Variants in TENM3 observed in about 807,000 individuals in gnomAD.
TENM3 encodes teneurin-3.
A neutral mutation model predicts 255.1 loss-of-function variants in TENM3; 63 were observed. That is an observed-to-expected ratio of 0.25 (90% CI 0.20 to 0.30). The LOEUF is 0.30. TENM3 is among the 10% of genes least tolerant of loss of function. TENM3 has a pLI of 1.00. For missense variants in TENM3, 2,929 were observed against 3,461.1 expected (o/e 0.85, Z 3.86); for synonymous variants, 1,306 against 1,322.3 (o/e 0.99, Z 0.27).
chr4:181,545,530 T>C, the TENM3 span, among the ~76,000 whole-genome samples: 2 of 152,172 alleles, frequency 1.3e-5, no homozygotes, highest in African/African-American at 4.8e-5. Context: ...TTAAGGATAA[T>C]AGTCGATTTT....
chr4:181,604,917 G>A, the TENM3 span, among the ~76,000 whole-genome samples: 2,207 of 152,320 alleles, frequency 0.014, 31 homozygotes, highest in South Asian at 0.049. Flanking sequence ...AGAATAGGGT[G>A]ATAAGACTAC....
At chr4:181,642,837 G>T in the TENM3 span, among the ~76,000 whole-genome samples, 2 of 152,110 alleles carry the variant, frequency 1.3e-5, no homozygotes, top group Admixed American at 1.3e-4. Flanking sequence ...TTATTTCTGA[G>T]GGCTGTTTTC....
At chr4:181,644,605 A>G in the TENM3 span, among the ~76,000 whole-genome samples, 1 of 152,156 alleles carries the variant, frequency 6.6e-6, no homozygotes, top group Non-Finnish European at 1.5e-5. Flanking sequence ...TCAGGGGACC[A>G]AGACACAAAG....
At chr4:181,634,467 T>G in the TENM3 span, among the ~76,000 whole-genome samples, 1 of 151,954 alleles carries the variant, frequency 6.6e-6, no homozygotes, top group Non-Finnish European at 1.5e-5. Context: ...AACACTTTTT[T>G]TTCACACAGC....
chr4:182,290,013 G>T (rs1469122785), intron 1 of TENM3, among the ~76,000 whole-genome samples: 1 of 151,136 alleles, frequency 6.6e-6, no homozygotes, highest in Non-Finnish European at 1.5e-5. Context: ...GTGCCCTACG[G>T]TGCTGTCCAA....
chr4:182,562,989 T>TC (rs2151979414), intron 3 of TENM3, among the ~76,000 whole-genome samples: 1 of 152,078 alleles, frequency 6.6e-6, no homozygotes, highest in East Asian at 1.9e-4. Flanking sequence ...CTTTAACAAC[T>TC]TTTTTTTTCC....
intron 1 of TENM3, among the ~76,000 whole-genome samples, chr4:182,217,374 T>C (rs951756553): frequency 6.6e-6 from 1 of 152,104 alleles, no homozygotes; most frequent in African/African-American, 2.4e-5. Flanking sequence ...ATTATCTGAC[T>C]AGTACTACTG....
chr4:182,650,383 G>A (rs1485896099), intron 5 of TENM3, among the ~76,000 whole-genome samples: 1 of 150,492 alleles, frequency 6.6e-6, no homozygotes, highest in Non-Finnish European at 1.5e-5. Flanking sequence ...TCCATGAATA[G>A]TGGCAGCAAA....
At chr4:181,516,949 G>A in the TENM3 span, among the ~76,000 whole-genome samples, 1 of 152,066 alleles carries the variant, frequency 6.6e-6, no homozygotes. Flanking sequence ...ACAGAGTAGG[G>A]ATTCCAATCT....
intron 3 of TENM3, among the ~76,000 whole-genome samples, chr4:182,595,274 A>G (rs1747093438): frequency 6.6e-6 from 1 of 152,108 alleles, no homozygotes. Context: ...AGTTCCATGA[A>G]TAGGCCTTAC....
At position 182,651,709 on chromosome 4, in the gene TENM3, G is replaced by A. The variant is rs1371706555; in HGVS notation, c.989-2062G>A. The stretch of plus-strand genomic sequence containing the variant: ...GAGACTCCGTCTCAGAAAAAAAAAA[G>A]AAAATCAGAGTTTAAGAGGAATTGC... On this transcript the variant is annotated intron_variant, in intron 5 of 27. Transcript: ENST00000511685. Among the ~76,000 whole-genome samples the A allele has an allele frequency of 2.3e-4, 33 of 142,202 alleles. 2 individuals carry two copies. Among genetic ancestry groups the A allele is most frequent in the Middle Eastern group, 3.8e-3 (1 of 264 alleles). The allele number at this position is 142,202 out of a possible 152,430, so 93.3% of individuals were successfully genotyped here.
At chr4:181,560,860 C>A in the TENM3 span, among the ~76,000 whole-genome samples, 5 of 152,200 alleles carry the variant, frequency 3.3e-5, no homozygotes, top group African/African-American at 1.2e-4. Flanking sequence ...GCAAATCAAA[C>A]AGGAGGGCAT....
the TENM3 span, among the ~76,000 whole-genome samples, chr4:182,125,465 T>C: frequency 6.6e-6 from 1 of 152,198 alleles, no homozygotes; most frequent in African/African-American, 2.4e-5. Flanking sequence ...GTCTTAAAAC[T>C]TATTCCCTGT....
At chr4:181,786,477 G>C in the TENM3 span, among the ~76,000 whole-genome samples, 2,562 of 152,250 alleles carry the variant, frequency 0.017, 56 homozygotes, top group African/African-American at 0.058. Context: ...GGACACTAAA[G>C]AAGGTGAGGG....
At chr4:182,616,409 T>C (rs993836287) in intron 4 of TENM3, among the ~76,000 whole-genome samples, 1 of 149,358 alleles carries the variant, frequency 6.7e-6, no homozygotes, top group African/African-American at 2.5e-5. Context: ...CATTGGGAGA[T>C]ATACCTAATG....
At chr4:181,498,096 AT>A in the TENM3 span, among the ~76,000 whole-genome samples, 6 of 152,164 alleles carry the variant, frequency 3.9e-5, no homozygotes, top group African/African-American at 2.4e-5. Flanking sequence ...CAGGCAATTA[AT>A]TCAGAGGTAG....
At chr4:182,273,518 C>T (rs1429085973) in intron 1 of TENM3, among the ~76,000 whole-genome samples, 1 of 152,192 alleles carries the variant, frequency 6.6e-6, no homozygotes, top group Non-Finnish European at 1.5e-5. Context: ...GAATACAAGT[C>T]CCTGCTTTGT....
chr4:182,135,337 G>A, the TENM3 span, among the ~76,000 whole-genome samples: 112 of 151,990 alleles, frequency 7.4e-4, no homozygotes, highest in Non-Finnish European at 1.2e-3. Flanking sequence ...CCTAAGAGTA[G>A]TGGTGTTTCT....
At chr4:182,783,359 T>C (rs1277869802) in intron 24 of TENM3, among the ~76,000 whole-genome samples, 3 of 151,832 alleles carry the variant, frequency 2.0e-5, no homozygotes, top group East Asian at 3.9e-4. Context: ...AAAATTCTTT[T>C]CTTTAAGAAT....
Sources: allele counts gnomAD v4.1 joint callset (sites outside exome capture counted in the v4.1 genomes callset), GRCh38; gene constraint gnomAD v4.1.1; transcripts MANE v1.5; gene names NCBI Gene and HGNC (gene_info 2026-07-23, HGNC 2026-07-21).